CCDC136: variants seen among roughly 807,000 people sequenced by gnomAD.
CCDC136 encodes coiled-coil domain-containing protein 136.
A neutral mutation model predicts 141.2 loss-of-function variants in CCDC136; 100 were observed. The ratio of observed to expected loss-of-function variants is 0.71; its 90% CI spans 0.60 to 0.84. CCDC136 has a LOEUF of 0.84. Ranked by LOEUF, CCDC136 falls within the 40% of genes least tolerant of loss-of-function variation. CCDC136 has a pLI of 0.00. For synonymous variants in CCDC136, 474 were observed against 531.9 expected, an observed-to-expected ratio of 0.89 and a Z score of 1.50; for missense variants, 1,206 against 1,379.4, an observed-to-expected ratio of 0.87 and a Z score of 1.99.
At chr7:128,800,140 TA>T (rs1362274984) in intron 3 of CCDC136, among the ~76,000 whole-genome samples, 1 of 152,218 alleles carries the variant, frequency 6.6e-6, no homozygotes, top group African/African-American at 2.4e-5. Context: ...ATACATAAAA[TA>T]TTTTTTGCAA....
At chr7:128,809,416 T>G (rs1444046094) in intron 10 of CCDC136, 34 bp from the exon 11 acceptor site, 4 of 1,421,434 alleles carry the variant, frequency 2.8e-6, no homozygotes, top group Admixed American at 2.0e-5. Context: ...CCTTACAGAG[T>G]AACCACCCCC....
In CCDC136 at chr7:128,809,029, T is replaced by A; in HGVS notation, c.1606-421T>A. ...AATTAGGGTGAAATTAAGTCCTTAT[T>A]TGTAAGGAGTGTAGTTGCATTAAAA... On this transcript the variant is annotated intron_variant, in intron 10 of 17. Transcript: ENST00000297788. 4.3e-6 allele frequency: 4 copies of A among 923,344 alleles called. No homozygotes were observed. The South Asian group carries it at 1.5e-4, about 34-fold the overall frequency. 57.2% of individuals were successfully genotyped at this position (923,344 alleles called of 1,614,324 possible).
Position 128,805,457 on chromosome 7 carries a change from C to G in CCDC136, c.881C>G (p.Pro294Arg). Reference sequence around the variant, plus strand: ...GAAATGGATTTCTTAGAGCCTGATCCTGAAATGCAGTTGTTACGGCAGCAG... The same window carrying G: ...GAAATGGATTTCTTAGAGCCTGATCGTGAAATGCAGTTGTTACGGCAGCAG... ...TSEMDFLEPD[P>R]EMQLLRQQLR... The change falls in exon 6 of 18, where the codon CCT becomes CGT. Residue 294 changes from proline to arginine, a missense_variant. Pro to Arg is a moderately radical substitution (Grantham distance 103, BLOSUM62 -2). Coordinates refer to ENST00000297788, the MANE Select transcript of CCDC136 (RefSeq NM_022742.5). This position sits in a 1 kb window ranked among gnomAD's most constrained non-coding sequence, Gnocchi z 4.6. 1 of 1,613,950 alleles carries G rather than the reference C, an allele frequency of 6.2e-7. No homozygotes were observed. Among genetic ancestry groups the G allele is most frequent in the Non-Finnish European group, 8.5e-7 (1 of 1,179,876 alleles).
chr7:128,807,757 A>T (rs1304066122), intron 10 of CCDC136: 8 of 364,392 alleles, frequency 2.2e-5, no homozygotes, highest in Non-Finnish European at 3.9e-5. Flanking sequence ...ATACCTTTGG[A>T]TCCCAGTCTG....
intron 1 of CCDC136, among the ~76,000 whole-genome samples, chr7:128,792,941 C>T (rs1802409439): frequency 6.6e-6 from 1 of 152,218 alleles, no homozygotes; most frequent in South Asian, 2.1e-4. Flanking sequence ...CGTGTATCCC[C>T]ACCACACCCA....
intron 3 of CCDC136, among the ~76,000 whole-genome samples, chr7:128,796,834 C>T (rs1465051917): frequency 9.6e-5 from 14 of 145,326 alleles, no homozygotes; most frequent in Non-Finnish European, 1.4e-4. Flanking sequence ...CTCCGCCTCC[C>T]GGGTTCACGC....
In CCDC136 at chr7:128,805,224, A is replaced by G. The variant is rs1804648606; in HGVS notation, c.783-135A>G. On this transcript the variant is annotated intron_variant, in intron 5 of 17. Transcript: ENST00000297788. The surrounding 1 kb of genome is among the most constrained non-coding windows in gnomAD (Gnocchi z 4.6). ...TTTCTGTAGTCTTTTAAGCATGTTT[A>G]TCTGAGCGGTGAGTCACAATAGAAG... is the stretch of plus-strand genomic sequence containing the variant. The G allele has an allele frequency of 8.4e-6, 6 of 715,752 alleles. No homozygotes were observed. In the East Asian group the frequency reaches 1.3e-4, roughly 16 times the overall value. The allele number at this position is 715,752 out of a possible 1,614,324, so 44.3% of individuals were successfully genotyped here. A position where few individuals can be genotyped will look rare whatever the true frequency, so the allele number is the denominator to read the frequency against.
At chr7:128,802,371 T>C (rs1804178966) in intron 4 of CCDC136, among the ~76,000 whole-genome samples, 1 of 152,150 alleles carries the variant, frequency 6.6e-6, no homozygotes, top group Non-Finnish European at 1.5e-5. Context: ...TGCAAGTTTT[T>C]CCAGCTGTAT....
intron 13 of CCDC136, 64 bp downstream of exon 13, chr7:128,812,376 A>T (rs749309258): frequency 6.6e-7 from 1 of 1,508,776 alleles, no homozygotes; most frequent in African/African-American, 1.4e-5. Flanking sequence ...TAAGAGATAC[A>T]TCGCCAGGGG....
At chr7:128,807,227 C>T in intron 9 of CCDC136, 133 bp from the exon 10 acceptor site, 1 of 536,438 alleles carries the variant, frequency 1.9e-6, no homozygotes, top group Non-Finnish European at 3.0e-6. Flanking sequence ...TCTTGGGTAT[C>T]TATCCCTGGC....
intron 12 of CCDC136, among the ~76,000 whole-genome samples, chr7:128,810,960 C>T (rs973841848): frequency 2.6e-5 from 4 of 152,204 alleles, no homozygotes; most frequent in Non-Finnish European, 5.9e-5. Flanking sequence ...TGATGCCTCT[C>T]AAGTACCAGC....
chr7:128,807,007 G>A, intron 9 of CCDC136, 149 bp downstream of exon 9: 1 of 659,144 alleles, frequency 1.5e-6, no homozygotes. Flanking sequence ...TGACCTCGGG[G>A]AGTCACAAGG....
intron 3 of CCDC136, among the ~76,000 whole-genome samples, chr7:128,798,147 G>A (rs1307469241): frequency 2.0e-5 from 3 of 148,742 alleles, no homozygotes; most frequent in Non-Finnish European, 3.0e-5. Context: ...TCGATCTCCT[G>A]ACCTCATGAT....
chr7:128,805,343 C>T lies in CCDC136; in HGVS notation c.783-16C>T, dbSNP rs750304835. The T allele has an allele frequency of 6.2e-6, 10 of 1,611,740 alleles. No individual in the cohort carries two copies. Among genetic ancestry groups the T allele is most frequent in the Admixed American group, 3.3e-5 (2 of 59,944 alleles). On this transcript the variant is annotated splice_polypyrimidine_tract_variant and intron_variant, in intron 5 of 17. Coordinates refer to ENST00000297788, the MANE Select transcript of CCDC136 (RefSeq NM_022742.5). This position sits in a 1 kb window ranked among gnomAD's most constrained non-coding sequence, Gnocchi z 4.6. ...AGAACTCCCTTCAAGCATAGCTCTG[C>T]GGTTCTGAATTGCAGGACACAGAGA...
chr7:128,807,309 C>A, intron 9 of CCDC136, 51 bp from the exon 10 acceptor site: 1 of 1,334,514 alleles, frequency 7.5e-7, no homozygotes, highest in Non-Finnish European at 9.9e-7. Context: ...AGGAGAGAGT[C>A]CAGCAGCAGG....
At position 128,794,228 on chromosome 7, in the gene CCDC136, G is replaced by A. The variant is rs531159050; in HGVS notation, c.17-120G>A. ...CAGGTCTTGCCCCGGGGCTCCTTGGGGGACACCAGGTGGCACTAGTATGTC... is the reference window on the plus strand; with the variant it reads ...CAGGTCTTGCCCCGGGGCTCCTTGGAGGACACCAGGTGGCACTAGTATGTC... On this transcript the variant is annotated intron_variant, in intron 1 of 17. Transcript: ENST00000297788. This position sits in a 1 kb window ranked among gnomAD's most constrained non-coding sequence, Gnocchi z 4.3. 113 of 1,415,236 alleles carry A rather than the reference G, an allele frequency of 8.0e-5. 1 individual carries two copies. In the South Asian group the frequency reaches 1.4e-3, roughly 17 times the overall value. The allele number at this position is 1,415,236 out of a possible 1,614,324, so 87.7% of individuals were successfully genotyped here. A position where few individuals can be genotyped will look rare whatever the true frequency, so the allele number is the denominator to read the frequency against.
At chr7:128,793,265 A>G (rs1802465624) in intron 1 of CCDC136, among the ~76,000 whole-genome samples, 1 of 152,218 alleles carries the variant, frequency 6.6e-6, no homozygotes. Flanking sequence ...ACCAAACCCC[A>G]GTTTTTTTAA....
chr7:128,815,757 T>G lies in CCDC136; in HGVS notation c.3189T>G (p.Val1063=). 6.4e-7 allele frequency: 1 copy of G among 1,567,928 alleles called. No individual in the cohort carries two copies. The highest frequency in any genetic ancestry group is 8.6e-7 in the Non-Finnish European group (1 of 1,156,840). Residue 1063 remains valine, a synonymous_variant, in exon 16 of 18, where the codon GTT becomes GTG. Coordinates refer to ENST00000297788, the MANE Select transcript of CCDC136 (RefSeq NM_022742.5). ...AGGAGCAGTGTGGGGATGAGCTAGT[T>G]GCTGAGCCAGCAGATCCTGAGGAAG... ...EAKEQCGDEL[V]AEPADPEEAK... is the part of the protein sequence containing the mutation.
chr7:128,807,602 T>A, intron 10 of CCDC136, 57 bp downstream of exon 10: 1 of 1,247,916 alleles, frequency 8.0e-7, no homozygotes, highest in Non-Finnish European at 1.0e-6. Context: ...AGAGAAGAGG[T>A]ACAGAGGCAA....
Sources: allele counts gnomAD v4.1 joint callset (sites outside exome capture counted in the v4.1 genomes callset), GRCh38; gene constraint gnomAD v4.1.1; non-coding constraint Gnocchi (gnomAD v3.1); transcripts MANE v1.5; gene names NCBI Gene and HGNC (gene_info 2026-07-23, HGNC 2026-07-21).